KCNIP4: variants seen among roughly 807,000 people sequenced by gnomAD.
KCNIP4 encodes potassium voltage-gated channel interacting protein 4.
KCNIP4 carries 12 observed loss-of-function variants against 34.0 expected under a neutral mutation model. The ratio of observed to expected loss-of-function variants is 0.35; its 90% CI spans 0.23 to 0.57. The LOEUF is 0.57. Among genes scored for constraint, KCNIP4 ranks in the 20% least tolerant of loss-of-function variants. KCNIP4 has a pLI of 0.83. For missense variants in KCNIP4, 238 were observed against 311.7 expected (o/e 0.76, Z 1.78); for synonymous variants, 124 against 102.2 (o/e 1.21, Z -1.29).
chr4:21,233,746 C>G (rs1037964959), intron 1 of KCNIP4, among the ~76,000 whole-genome samples: 1 of 149,082 alleles, frequency 6.7e-6, no homozygotes, highest in African/African-American at 2.5e-5. Flanking sequence ...ATGCTTCTAC[C>G]TTAATCCACT....
At position 21,869,727 on chromosome 4, in the gene KCNIP4, G is replaced by GAGAT. The variant is rs71193417; in HGVS notation, c.61+78840_61+78843dup. 1.6e-3 allele frequency among the ~76,000 whole-genome samples: 232 copies of GAGAT among 143,598 alleles called. 2 individuals carry two copies. Among genetic ancestry groups the GAGAT allele is most frequent in the African/African-American group, 2.7e-3 (104 of 37,886 alleles). 94.2% of individuals were successfully genotyped at this position (143,598 alleles called of 152,430 possible). ...CCCCACCGCCACATAGAGAGATAAGGAGATAGATAGATAGATAGATAGATA... is the reference window on the plus strand; with the variant it reads ...CCCCACCGCCACATAGAGAGATAAGGAGATAGATAGATAGATAGATAGATAGATA... On this transcript the variant is annotated intron_variant, in intron 1 of 8. Coordinates refer to ENST00000382152, the MANE Select transcript of KCNIP4 (RefSeq NM_025221.6).
intron 5 of KCNIP4, among the ~76,000 whole-genome samples, chr4:20,738,753 A>C (rs1482321021): frequency 1.3e-5 from 2 of 152,008 alleles, no homozygotes; most frequent in Admixed American, 1.3e-4. Flanking sequence ...TGGACAGTGG[A>C]TGCAGCCCAC....
At position 21,536,648 on chromosome 4, in the gene KCNIP4, G is replaced by A. The variant is rs547453064; in HGVS notation, c.61+411923C>T. ...ACAAAAAATATAGCTGGGTGTGGTG[G>A]TGCGTATCTGTAATCTCAGCTACTC... On this transcript the variant is annotated intron_variant, in intron 1 of 8. Transcript: ENST00000382152. 1.7e-4 allele frequency among the ~76,000 whole-genome samples: 26 copies of A among 152,074 alleles called. No individual in the cohort carries two copies. In the South Asian group the frequency reaches 4.8e-3, roughly 28 times the overall value.
rs141041200 is a variant in KCNIP4, at chr4:21,246,352, C to T, written c.62-363643G>A. On this transcript the variant is annotated intron_variant, in intron 1 of 8. Transcript: ENST00000382152. ...AACAGCTGTTGCAATCACGCCAGTC[C>T]AGAGGGGAAGAGACCCACAAAACCT... 4.6e-3 allele frequency among the ~76,000 whole-genome samples: 695 copies of T among 152,276 alleles called. 12 individuals carry two copies. Among genetic ancestry groups the T allele is most frequent in the African/African-American group, 0.016 (658 of 41,530 alleles).
chr4:20,999,342 T>C (rs2149715464), intron 1 of KCNIP4, among the ~76,000 whole-genome samples: 2 of 151,642 alleles, frequency 1.3e-5, no homozygotes, highest in Middle Eastern at 6.8e-3. Context: ...TACAGGGCTA[T>C]TAACGTAAAC....
At chr4:21,822,491 C>T (rs929072501) in intron 1 of KCNIP4, among the ~76,000 whole-genome samples, 3 of 152,180 alleles carry the variant, frequency 2.0e-5, no homozygotes, top group African/African-American at 4.8e-5. Flanking sequence ...ATGTAACTCC[C>T]TATTTTTATA....
intron 1 of KCNIP4, among the ~76,000 whole-genome samples, chr4:21,090,265 C>A (rs1746878602): frequency 6.6e-6 from 1 of 152,182 alleles, no homozygotes. Flanking sequence ...GGGTAACTAT[C>A]AGCATGATGT....
chr4:21,501,520 C>A (rs1733339035), intron 1 of KCNIP4, among the ~76,000 whole-genome samples: 1 of 151,892 alleles, frequency 6.6e-6, no homozygotes, highest in African/African-American at 2.4e-5. Context: ...TACATTTTCC[C>A]AAATTTCACA....
chr4:20,731,452 A>AC (rs1748178659), intron 8 of KCNIP4: 1 of 985,238 alleles, frequency 1.0e-6, no homozygotes, highest in African/African-American at 1.7e-5. Context: ...TTCTTTGATA[A>AC]CAGGCTACTA....
intron 1 of KCNIP4, among the ~76,000 whole-genome samples, chr4:21,180,659 ATGTG>A (rs146213301): frequency 2.0e-5 from 3 of 149,600 alleles, no homozygotes; most frequent in African/African-American, 4.9e-5. Flanking sequence ...TAATGTTTAT[ATGTG>A]TGTGTGTGTG....
Position 21,687,529 on chromosome 4 carries a change from C to T in KCNIP4, c.61+261042G>A, listed in dbSNP as rs192457538. On this transcript the variant is annotated intron_variant, in intron 1 of 8. Coordinates refer to ENST00000382152, the MANE Select transcript of KCNIP4 (RefSeq NM_025221.6). ...GATTACGATAATAAACAACAAAAAACCCATAATTATTTTAAAAAGTTTATA... is the reference window on the plus strand; with the variant it reads ...GATTACGATAATAAACAACAAAAAATCCATAATTATTTTAAAAAGTTTATA... 1.5e-3 allele frequency among the ~76,000 whole-genome samples: 223 copies of T among 152,188 alleles called. 1 individual carries two copies. The highest frequency in any genetic ancestry group is 5.3e-3 in the African/African-American group (219 of 41,522).
chr4:21,157,248 A>G (rs1319799878), intron 1 of KCNIP4, among the ~76,000 whole-genome samples: 2 of 152,194 alleles, frequency 1.3e-5, no homozygotes. Flanking sequence ...ATGTATTTAA[A>G]TGTCTACTAT....
At chr4:21,566,194 T>C (rs905607596) in intron 1 of KCNIP4, among the ~76,000 whole-genome samples, 3 of 152,036 alleles carry the variant, frequency 2.0e-5, no homozygotes, top group African/African-American at 7.2e-5. Context: ...ATGTTGGCAA[T>C]AGTGTGAAGA....
chr4:21,697,760 T>C (rs1034683478), intron 1 of KCNIP4: 5 of 853,734 alleles, frequency 5.9e-6, no homozygotes, highest in Non-Finnish European at 5.9e-6. Context: ...CGGCATCCCC[T>C]CTCCAGAAGC....
At chr4:21,650,200 C>T (rs544695776) in intron 1 of KCNIP4, among the ~76,000 whole-genome samples, 1 of 152,330 alleles carries the variant, frequency 6.6e-6, no homozygotes, top group South Asian at 2.1e-4. Context: ...TTTTGCTTCT[C>T]ACTATGTGGA....
chr4:21,257,762 A>AAGAAAG (rs58418327), intron 1 of KCNIP4, among the ~76,000 whole-genome samples: 10 of 106,626 alleles, frequency 9.4e-5, no homozygotes, highest in East Asian at 3.5e-4. Flanking sequence ...AAAAAAAAAA[A>AAGAAAG]AAAGAAAGAA....
At chr4:21,866,864 C>G (rs1725459867) in intron 1 of KCNIP4, among the ~76,000 whole-genome samples, 1 of 151,058 alleles carries the variant, frequency 6.6e-6, no homozygotes, top group Admixed American at 6.6e-5. Context: ...CTCCGCCTCC[C>G]AGGTTCACGC....
intron 1 of KCNIP4, among the ~76,000 whole-genome samples, chr4:21,153,450 T>C (rs1752903724): frequency 6.7e-6 from 1 of 148,162 alleles, no homozygotes; most frequent in African/African-American, 2.5e-5. Flanking sequence ...TCTCTGTCCC[T>C]CTCTCTCTCT....
intron 1 of KCNIP4, among the ~76,000 whole-genome samples, chr4:21,231,617 G>C (rs958955274): frequency 1.3e-5 from 2 of 152,052 alleles, no homozygotes; most frequent in Non-Finnish European, 2.9e-5. Flanking sequence ...TCCTTTTCTG[G>C]TAGTAGTAGG....
Sources: gnomAD v4.1 joint callset for allele counts (sites outside exome capture counted in the v4.1 genomes callset) on GRCh38, gnomAD v4.1.1 for gene constraint, MANE v1.5 for transcripts, NCBI Gene and HGNC (gene_info 2026-07-23, HGNC 2026-07-21) for gene names.